The following TBC1D32 variants were observed in gnomAD, a reference collection of about 807,000 sequenced individuals.
TBC1D32 encodes protein broad-minded.
A neutral mutation model predicts 170.3 loss-of-function variants in TBC1D32; 151 were observed. The observed-to-expected ratio is 0.89, with a 90% CI of 0.78 to 1.01. The LOEUF is 1.01. TBC1D32 is among the 50% of genes least tolerant of loss of function. The pLI, the probability that TBC1D32 is intolerant of heterozygous loss-of-function variation, is 0.00. For synonymous variants in TBC1D32, 498 were observed against 488.0 expected, an observed-to-expected ratio of 1.02 and a Z score of -0.27; for missense variants, 1,464 against 1,457.1, an observed-to-expected ratio of 1.00 and a Z score of -0.08.
At chr6:121,270,110 G>A (rs1801147551) in intron 15 of TBC1D32, among the ~76,000 whole-genome samples, 1 of 151,994 alleles carries the variant, frequency 6.6e-6, no homozygotes, top group African/African-American at 2.4e-5. Flanking sequence ...CACATTCAAA[G>A]CAGTATGCAG....
At chr6:121,222,670 A>G (rs1794656532) in intron 21 of TBC1D32, among the ~76,000 whole-genome samples, 1 of 13,116 alleles carries the variant, frequency 7.6e-5, no homozygotes, top group South Asian at 7.0e-3. Context: ...ATTAATCCTT[A>G]TATGCATATA....
chr6:121,123,771 T>C (rs1042695154), intron 26 of TBC1D32, among the ~76,000 whole-genome samples: 5 of 152,034 alleles, frequency 3.3e-5, no homozygotes, highest in African/African-American at 1.2e-4. Context: ...ACTTGTTTAC[T>C]AGTTATTGTG....
rs1177943280 is a variant in TBC1D32, at chr6:121,239,079, G to C, written c.2355C>G (p.Ser785Arg). Residue 785 changes from serine (S) to arginine (R), a missense_variant, in exon 20 of 32, where the codon AGC (serine) becomes AGG (arginine). Ser to Arg is a moderately radical substitution (Grantham distance 110). Transcript: ENST00000398212. Reference sequence around the variant, plus strand: ...TCAAATAACTTCTTACCTTTTGACAGCTTCGGTCAATAGGATCCACTGGAG... The same window carrying C: ...TCAAATAACTTCTTACCTTTTGACACCTTCGGTCAATAGGATCCACTGGAG... The part of the protein sequence containing the change: ...RTTPVDPIDR[S>R]CQKSFLALVN... The C allele has an allele frequency of 3.2e-6, 5 of 1,579,316 alleles. No homozygotes were observed. Among genetic ancestry groups the C allele is most frequent in the Non-Finnish European group, 4.3e-6 (5 of 1,154,182 alleles).
rs1461585995 is a variant in TBC1D32, at chr6:121,190,480, C to T, written c.2570+14595G>A. Reference sequence around the variant, plus strand: ...CCCCACATCTACCTACTCTCCCTTCCCTCCTCACTATCATCTTCCCGCCTC... The same window carrying T: ...CCCCACATCTACCTACTCTCCCTTCTCTCCTCACTATCATCTTCCCGCCTC... On this transcript the variant is annotated intron_variant, in intron 22 of 31. Coordinates refer to ENST00000398212, the MANE Select transcript of TBC1D32 (RefSeq NM_152730.6). 2.0e-5 allele frequency among the ~76,000 whole-genome samples: 3 copies of T among 151,444 alleles called. No individual in the cohort carries two copies. In the East Asian group the frequency reaches 5.8e-4, roughly 29 times the overall value.
rs575523322 is a variant in TBC1D32 at position 121,133,411 on chromosome 6, C to T, written c.2774-1659G>A. 3.9e-5 allele frequency among the ~76,000 whole-genome samples: 6 copies of T among 151,946 alleles called. No homozygotes were observed. The South Asian group carries it at 8.3e-4, about 21-fold the overall frequency. On this transcript the variant is annotated intron_variant, in intron 24 of 31. Coordinates refer to ENST00000398212, the MANE Select transcript of TBC1D32 (RefSeq NM_152730.6). The stretch of plus-strand genomic sequence containing the variant: ...TATAATAATCAAGACAATATCACTG[C>T]CCTCATGAAATGCACATGTCATATA...
At chr6:121,223,814 T>C (rs1794780498) in intron 20 of TBC1D32, among the ~76,000 whole-genome samples, 1 of 143,738 alleles carries the variant, frequency 7.0e-6, no homozygotes. Context: ...AACCTAAATA[T>C]GATAGCTAAT....
At chr6:121,263,464 G>A (rs930013988) in intron 15 of TBC1D32, among the ~76,000 whole-genome samples, 34 of 152,032 alleles carry the variant, frequency 2.2e-4, no homozygotes, top group African/African-American at 5.6e-4. Context: ...ACCTAAAAGC[G>A]GCTTAGACTA....
At chr6:121,263,219 A>C (rs1157889758) in intron 15 of TBC1D32, among the ~76,000 whole-genome samples, 1 of 147,006 alleles carries the variant, frequency 6.8e-6, no homozygotes, top group African/African-American at 2.7e-5. Context: ...GGCTCAAAAA[A>C]CAAAACAAAA....
intron 15 of TBC1D32, among the ~76,000 whole-genome samples, chr6:121,265,170 G>A (rs112056877): frequency 0.019 from 2,889 of 152,168 alleles, 102 homozygotes; most frequent in African/African-American, 0.066. Context: ...AAACCCCATC[G>A]TGTCAGCCCA....
At chr6:121,096,562 G>GA (rs1239657117) in intron 30 of TBC1D32, among the ~76,000 whole-genome samples, 2 of 152,036 alleles carry the variant, frequency 1.3e-5, no homozygotes, top group African/African-American at 4.8e-5. Context: ...CAAACAAATG[G>GA]AAAAACATTC....
At chr6:121,274,325 G>T (rs1325826101) in intron 15 of TBC1D32, among the ~76,000 whole-genome samples, 4 of 150,778 alleles carry the variant, frequency 2.7e-5, no homozygotes, top group Non-Finnish European at 5.9e-5. Context: ...AGAGTCATGA[G>T]ACTCTGTCTC....
intron 31 of TBC1D32, among the ~76,000 whole-genome samples, chr6:121,081,765 A>G (rs1302147252): frequency 1.3e-5 from 2 of 152,208 alleles, no homozygotes; most frequent in South Asian, 4.1e-4. Flanking sequence ...ACATTACACA[A>G]TCTCGATGAG....
At chr6:121,118,656 CA>C (rs1020245274) in intron 26 of TBC1D32, among the ~76,000 whole-genome samples, 2 of 152,116 alleles carry the variant, frequency 1.3e-5, no homozygotes, top group African/African-American at 4.8e-5. Context: ...GTTGGAGAGG[CA>C]GTTACTGGTT....
intron 22 of TBC1D32, among the ~76,000 whole-genome samples, chr6:121,186,552 C>T (rs1239678883): frequency 6.6e-6 from 1 of 152,042 alleles, no homozygotes; most frequent in African/African-American, 2.4e-5. Flanking sequence ...TAAAGCCATA[C>T]GTCCACTTAT....
chr6:121,217,542 A>T (rs1019961989), intron 21 of TBC1D32, among the ~76,000 whole-genome samples: 24 of 152,336 alleles, frequency 1.6e-4, no homozygotes, highest in Admixed American at 1.2e-3. Context: ...CTAATACACA[A>T]ACAGAAAATC....
At chr6:121,089,699 A>C (rs1012508871) in intron 31 of TBC1D32, among the ~76,000 whole-genome samples, 4 of 152,210 alleles carry the variant, frequency 2.6e-5, no homozygotes, top group African/African-American at 9.6e-5. Context: ...TAAAAATGAT[A>C]ATTTGGCAAT....
chr6:121,117,445 T>C (rs1249593378), intron 26 of TBC1D32, among the ~76,000 whole-genome samples: 1 of 152,152 alleles, frequency 6.6e-6, no homozygotes, highest in Non-Finnish European at 1.5e-5. Flanking sequence ...CACAAGCCTG[T>C]AATCCCAGCA....
At chr6:121,274,803 T>C (rs1349944756) in intron 15 of TBC1D32, among the ~76,000 whole-genome samples, 3 of 152,164 alleles carry the variant, frequency 2.0e-5, no homozygotes, top group African/African-American at 7.2e-5. Flanking sequence ...CAGAAACCCA[T>C]TCTGAATAAA....
Position 121,307,989 on chromosome 6 carries a change from T to A in TBC1D32, c.677A>T (p.Asp226Val). Residue 226 changes from aspartate (D) to valine (V), a missense_variant, in exon 5 of 32, where the codon GAT becomes GTT. This residue lies in a region of TBC1D32 where 1,363 missense variants were observed against 1,338.1 expected (regional missense o/e 1.02). Coordinates refer to ENST00000398212, the MANE Select transcript of TBC1D32 (RefSeq NM_152730.6). The part of the protein sequence containing the change: ...EKLTVSLSDP[D>V]PVFSDRILKF... Reference sequence around the variant, plus strand: ...CCATTTTCTTACACTAAACACAGGATCAGGATCTGAAAGAGACACGGTCAG... The same window carrying A: ...CCATTTTCTTACACTAAACACAGGAACAGGATCTGAAAGAGACACGGTCAG... 1 of 1,613,282 alleles carries A rather than the reference T, an allele frequency of 6.2e-7. No homozygotes were observed. The highest frequency in any genetic ancestry group is 8.5e-7 in the Non-Finnish European group (1 of 1,179,724).
Sources: gnomAD v4.1 joint callset for allele counts (sites outside exome capture counted in the v4.1 genomes callset) on GRCh38, gnomAD v4.1.1 for gene constraint, gnomAD v4.1.1 regional missense constraint, MANE v1.5 for transcripts, NCBI Gene and HGNC (gene_info 2026-07-23, HGNC 2026-07-21) for gene names.